The following RCAN2 variants were observed in gnomAD, a reference collection of about 807,000 sequenced individuals.
RCAN2 encodes the protein calcipressin-2.
RCAN2 carries 9 observed loss-of-function variants against 23.6 expected under a neutral mutation model. The observed-to-expected ratio is 0.38, with a 90% CI of 0.23 to 0.67. The LOEUF is 0.67. Among genes scored for constraint, RCAN2 ranks in the 30% least tolerant of loss-of-function variants. The pLI is 0.51. For missense variants in RCAN2, 273 were observed against 302.3 expected, an observed-to-expected ratio of 0.90 and a Z score of 0.72; for synonymous variants, 109 against 115.7, an observed-to-expected ratio of 0.94 and a Z score of 0.37.
At chr6:46,404,746 G>A (rs1020810669) in intron 2 of RCAN2, among the ~76,000 whole-genome samples, 4 of 152,162 alleles carry the variant, frequency 2.6e-5, no homozygotes, top group African/African-American at 7.2e-5. Flanking sequence ...AGAAATGGAG[G>A]TCAGAGTCCA....
chr6:46,447,360 G>A (rs1767745798), intron 2 of RCAN2, among the ~76,000 whole-genome samples: 1 of 151,828 alleles, frequency 6.6e-6, no homozygotes, highest in South Asian at 2.1e-4. Context: ...AGAATAGAGA[G>A]AGAGAATAGA....
chr6:46,464,307 GATA>G (rs1768310733), intron 1 of RCAN2, among the ~76,000 whole-genome samples: 1 of 152,066 alleles, frequency 6.6e-6, no homozygotes, highest in Non-Finnish European at 1.5e-5. Context: ...ATGATTATTT[GATA>G]ATATCTGGGA....
At chr6:46,295,062 A>T (rs1442214) in intron 2 of RCAN2, among the ~76,000 whole-genome samples, 6,652 of 152,184 alleles carry the variant, frequency 0.044, 493 homozygotes, top group African/African-American at 0.15. Context: ...CAAAGGAGAG[A>T]AAATCCATAC....
chr6:46,476,754 A>C (rs1206871900), intron 1 of RCAN2, among the ~76,000 whole-genome samples: 1 of 152,228 alleles, frequency 6.6e-6, no homozygotes, highest in Non-Finnish European at 1.5e-5. Context: ...CACAGCAAGA[A>C]AGATGAACAT....
intron 2 of RCAN2, among the ~76,000 whole-genome samples, chr6:46,391,470 TG>T (rs1765937411): frequency 6.6e-6 from 1 of 152,140 alleles, no homozygotes; most frequent in Non-Finnish European, 1.5e-5. Flanking sequence ...TTTGGCTTAT[TG>T]GAAGCTGCAC....
chr6:46,420,026 G>A (rs192889605), intron 2 of RCAN2, among the ~76,000 whole-genome samples: 8 of 151,980 alleles, frequency 5.3e-5, no homozygotes, highest in South Asian at 2.1e-4. Context: ...TCAAATTCTC[G>A]CAGACAAGAC....
intron 2 of RCAN2, among the ~76,000 whole-genome samples, chr6:46,338,470 T>C (rs1764208615): frequency 6.6e-6 from 1 of 152,168 alleles, no homozygotes; most frequent in Non-Finnish European, 1.5e-5. Flanking sequence ...AGGGTAATCT[T>C]AATCTTCATG....
chr6:46,261,370 C>T (rs1471659504), intron 2 of RCAN2, among the ~76,000 whole-genome samples: 1 of 152,146 alleles, frequency 6.6e-6, no homozygotes, highest in Non-Finnish European at 1.5e-5. Flanking sequence ...CCCATTGATG[C>T]CTCAGTTTCC....
chr6:46,365,700 T>G (rs1765154567), intron 2 of RCAN2, among the ~76,000 whole-genome samples: 1 of 152,170 alleles, frequency 6.6e-6, no homozygotes, highest in South Asian at 2.1e-4. Flanking sequence ...GTCTCAAATT[T>G]TATACTTAAA....
chr6:46,300,873 C>T (rs1162359844), intron 2 of RCAN2, among the ~76,000 whole-genome samples: 1 of 151,616 alleles, frequency 6.6e-6, no homozygotes, highest in East Asian at 1.9e-4. Flanking sequence ...AAAGACTAAG[C>T]CTTAATTAAA....
At chr6:46,307,967 T>C (rs1336351755) in intron 2 of RCAN2, among the ~76,000 whole-genome samples, 1 of 152,190 alleles carries the variant, frequency 6.6e-6, no homozygotes, top group Non-Finnish European at 1.5e-5. Context: ...TTCTATTAAA[T>C]CCTGTGAAAG....
chr6:46,471,977 G>A (rs759614383), intron 1 of RCAN2, among the ~76,000 whole-genome samples: 2 of 152,108 alleles, frequency 1.3e-5, no homozygotes, highest in East Asian at 1.9e-4. Context: ...CCCAGGACTC[G>A]GCGACTTGCA....
chr6:46,479,546 G>T (rs1291014029), intron 1 of RCAN2, among the ~76,000 whole-genome samples: 1 of 148,740 alleles, frequency 6.7e-6, no homozygotes, highest in African/African-American at 2.5e-5. Context: ...GATTCAGAAT[G>T]CTCCCACTAC....
intron 2 of RCAN2, among the ~76,000 whole-genome samples, chr6:46,437,038 T>C (rs908771179): frequency 6.6e-6 from 1 of 152,220 alleles, no homozygotes; most frequent in Admixed American, 6.5e-5. Context: ...GCCTCATTTT[T>C]TTCCAAGCAG....
At chr6:46,269,342 T>A (rs1000798998) in intron 2 of RCAN2, among the ~76,000 whole-genome samples, 3 of 152,224 alleles carry the variant, frequency 2.0e-5, no homozygotes, top group Non-Finnish European at 4.4e-5. Context: ...TCCAATAAAT[T>A]TTGCCAGCAC....
At chr6:46,471,121 G>A (rs997707953) in intron 1 of RCAN2, among the ~76,000 whole-genome samples, 2 of 152,192 alleles carry the variant, frequency 1.3e-5, no homozygotes, top group South Asian at 2.1e-4. Context: ...GTACAAGATG[G>A]GTTCAGAGGA....
Position 46,300,807 on chromosome 6 carries a change from T to C in RCAN2, c.226-51911A>G, listed in dbSNP as rs141238224. Reference sequence around the variant, plus strand: ...TATTAAATGATCACATTCTAAAGATTTCATTTAGCTAGAAGAAGAAACTAA... The same window carrying C: ...TATTAAATGATCACATTCTAAAGATCTCATTTAGCTAGAAGAAGAAACTAA... On this transcript the variant is annotated intron_variant, in intron 2 of 4. Coordinates refer to ENST00000371374, the MANE Select transcript of RCAN2 (RefSeq NM_001251974.2). Among the ~76,000 whole-genome samples the C allele has an allele frequency of 2.0e-5, 3 of 152,138 alleles. No individual in the cohort carries two copies. In the East Asian group the frequency reaches 5.8e-4, roughly 29 times the overall value.
At chr6:46,447,232 C>A (rs993372009) in intron 2 of RCAN2, among the ~76,000 whole-genome samples, 1 of 151,638 alleles carries the variant, frequency 6.6e-6, no homozygotes, top group Non-Finnish European at 1.5e-5. Flanking sequence ...TAGAACAAGA[C>A]AAAGAAAGCC....
intron 4 of RCAN2, 90 bp from the exon 5 acceptor site, chr6:46,223,391 T>A: frequency 1.6e-6 from 2 of 1,222,662 alleles, no homozygotes; most frequent in Non-Finnish European, 2.3e-6. Flanking sequence ...GACAGGAGCA[T>A]TTTCCAGGGT....
Sources: allele counts gnomAD v4.1 joint callset (sites outside exome capture counted in the v4.1 genomes callset), GRCh38; gene constraint gnomAD v4.1.1; transcripts MANE v1.5; gene names NCBI Gene and HGNC (gene_info 2026-07-23, HGNC 2026-07-21).